Variants in PI4KB observed in about 807,000 individuals in gnomAD.
PI4KB encodes phosphatidylinositol 4-kinase beta.
A neutral mutation model predicts 81.4 loss-of-function variants in PI4KB; 23 were observed. That is an observed-to-expected ratio of 0.28 (90% CI 0.20 to 0.40). The LOEUF is 0.40. Among genes scored for constraint, PI4KB ranks in the 10% least tolerant of loss-of-function variants. The pLI is 1.00. For missense variants in PI4KB, 651 were observed against 1,036.6 expected (o/e 0.63, Z 5.11); for synonymous variants, 381 against 406.8 (o/e 0.94, Z 0.76).
At chr1:151,306,099 C>T in intron 5 of PI4KB, 37 bp downstream of exon 5, 1 of 1,528,090 alleles carries the variant, frequency 6.5e-7, no homozygotes, top group Non-Finnish European at 9.1e-7. Context: ...GGAGAAAGCT[C>T]CTGTGACCCA....
intron 11 of PI4KB, chr1:151,293,326 G>A: frequency 3.6e-6 from 5 of 1,371,474 alleles, no homozygotes; most frequent in Admixed American, 2.4e-5. Context: ...CTGGGAGGAG[G>A]CTGGAGGGAG....
intron 9 of PI4KB, among the ~76,000 whole-genome samples, chr1:151,296,785 T>TC (rs1444522209): frequency 6.8e-6 from 1 of 146,512 alleles, no homozygotes; most frequent in East Asian, 2.0e-4. Context: ...CTAATTTTTA[T>TC]TTTTTTTTTT....
chr1:151,292,688 A>G lies in PI4KB; in HGVS notation c.*164T>C, dbSNP rs1225399473. On this transcript the variant is annotated 3_prime_UTR_variant, in exon 12 of 12. Coordinates refer to ENST00000368873, the MANE Select transcript of PI4KB (RefSeq NM_001369623.2). ...CCCACAGCTGGCTCTCCCACCCCTC[A>G]GCAAGCTCTCGCAGTTACCACATGA... 1.0e-5 allele frequency: 7 copies of G among 669,424 alleles called. No individual in the cohort carries two copies. Among genetic ancestry groups the G allele is most frequent in the East Asian group, 2.8e-5 (1 of 36,140 alleles). 41.5% of individuals were successfully genotyped at this position (669,424 alleles called of 1,614,324 possible). A position where few individuals can be genotyped will look rare whatever the true frequency, so the allele number is the denominator to read the frequency against.
At chr1:151,305,213 A>C (rs1438035661) in intron 5 of PI4KB, among the ~76,000 whole-genome samples, 1 of 151,988 alleles carries the variant, frequency 6.6e-6, no homozygotes, top group East Asian at 1.9e-4. Flanking sequence ...CGATCCACCC[A>C]CCTCGGCCTC....
In PI4KB at chr1:151,299,011, C is replaced by A. The variant is rs745835813; in HGVS notation, c.1812G>T (p.Ser604=). The A allele has an allele frequency of 4.3e-6, 7 of 1,614,078 alleles. No homozygotes were observed. Among genetic ancestry groups the A allele is most frequent in the Non-Finnish European group, 5.9e-6 (7 of 1,179,956 alleles). ...CTGGTTCAATCATGCCACTATCAGCCGAAATCACAAGAATCTTGTATGGCT... is the reference window on the plus strand; with the variant it reads ...CTGGTTCAATCATGCCACTATCAGCAGAAATCACAAGAATCTTGTATGGCT... The part of the protein sequence containing the change: ...WIKPYKILVI[S]ADSGMIEPVV... Residue 604 remains serine (S), a synonymous_variant, in exon 9 of 12, where the codon TCG becomes TCT. Coordinates refer to ENST00000368873, the MANE Select transcript of PI4KB (RefSeq NM_001369623.2).
intron 8 of PI4KB, 23 bp downstream of exon 8, chr1:151,301,821 G>T: frequency 6.2e-7 from 1 of 1,611,672 alleles, no homozygotes; most frequent in East Asian, 2.2e-5. Context: ...CACTGTGCCT[G>T]GCCTCTCCTT....
intron 1 of PI4KB, 140 bp downstream of exon 1, chr1:151,327,131 A>G: frequency 2.5e-6 from 1 of 393,862 alleles, no homozygotes; most frequent in Non-Finnish European, 4.5e-6. Flanking sequence ...GTGGAGAAGG[A>G]ACCCGGGGTG....
chr1:151,297,399 T>TTGC (rs1694903193), intron 9 of PI4KB, among the ~76,000 whole-genome samples: 1 of 94,116 alleles, frequency 1.1e-5, no homozygotes, highest in Non-Finnish European at 2.3e-5. Flanking sequence ...TAAAGTACTG[T>TTGC]GGCATGATCT....
At chr1:151,311,249 C>T (rs1335861157) in intron 2 of PI4KB, among the ~76,000 whole-genome samples, 1 of 151,656 alleles carries the variant, frequency 6.6e-6, no homozygotes, top group Non-Finnish European at 1.5e-5. Flanking sequence ...GTGCACAAAT[C>T]TAGGTTGTGG....
intron 8 of PI4KB, 105 bp downstream of exon 8, chr1:151,301,739 G>T (rs1408017992): frequency 3.6e-5 from 37 of 1,033,182 alleles, no homozygotes; most frequent in Non-Finnish European, 5.2e-5. Context: ...TCACCATCTT[G>T]GCCAGGCTGA....
chr1:151,301,135 T>G (rs891614416), intron 8 of PI4KB, among the ~76,000 whole-genome samples: 4 of 152,222 alleles, frequency 2.6e-5, no homozygotes, highest in African/African-American at 9.6e-5. Context: ...GCTTTTGTTT[T>G]AGACCTTGGC....
At chr1:151,316,973 C>T (rs1409916610) in intron 1 of PI4KB, among the ~76,000 whole-genome samples, 1 of 151,970 alleles carries the variant, frequency 6.6e-6, no homozygotes, top group Non-Finnish European at 1.5e-5. Flanking sequence ...TAGGCGCCCA[C>T]CACAACGTCC....
In PI4KB at chr1:151,315,802, G is replaced by A. The variant is rs1310631280; in HGVS notation, c.680C>T (p.Thr227Ile). 2 of 1,613,070 alleles carry A rather than the reference G, an allele frequency of 1.2e-6. No homozygotes were observed. Among genetic ancestry groups the A allele is most frequent in the Admixed American group, 1.7e-5 (1 of 59,930 alleles). The change falls in exon 2 of 12, where the codon ACT becomes ATT. Residue 227 changes from threonine (T) to isoleucine (I), a missense_variant. Physicochemically the swap from Thr to Ile is moderately conservative, Grantham distance 89. Coordinates refer to ENST00000368873, the MANE Select transcript of PI4KB (RefSeq NM_001369623.2). ...GAYSSDMHIS[T>I]QRHSRGTKLR... is the part of the protein sequence containing the mutation. Reference sequence around the variant, plus strand: ...CTTGGTCCCACGGGAGTGTCGTTGAGTGGAAATGTGCATGTCTGAAGAATA... The same window carrying A: ...CTTGGTCCCACGGGAGTGTCGTTGAATGGAAATGTGCATGTCTGAAGAATA...
At position 151,298,979 on chromosome 1, in the gene PI4KB, T is replaced by C; in HGVS notation, c.1844A>G (p.Asn615Ser). The change falls in exon 9 of 12, where the codon AAT becomes AGT. Residue 615 changes from asparagine to serine, a missense_variant. Asn to Ser is a conservative substitution (Grantham distance 46). Coordinates refer to ENST00000368873, the MANE Select transcript of PI4KB (RefSeq NM_001369623.2). ...ADSGMIEPVV[N>S]AVSIHQVKKQ... ...CTTCACCTGATGGATGGACACAGCA[T>C]TGACCACTGGTTCAATCATGCCACT... 6.2e-7 allele frequency: 1 copy of C among 1,614,144 alleles called. No homozygotes were observed. Among genetic ancestry groups the C allele is most frequent in the Non-Finnish European group, 8.5e-7 (1 of 1,179,972 alleles).
chr1:151,297,289 AG>A (rs1694885201), intron 9 of PI4KB, among the ~76,000 whole-genome samples: 1 of 150,710 alleles, frequency 6.6e-6, no homozygotes, highest in Non-Finnish European at 1.5e-5. Context: ...TATGTTGCCT[AG>A]GCTAGTCTCG....
intron 9 of PI4KB, 166 bp downstream of exon 9, chr1:151,298,642 C>T: frequency 2.6e-6 from 2 of 759,002 alleles, no homozygotes; most frequent in Non-Finnish European, 4.4e-6. Context: ...TATTAGTCTG[C>T]CTCCTGACTT....
chr1:151,323,124 T>C (rs1327727654), intron 1 of PI4KB, among the ~76,000 whole-genome samples: 3 of 152,306 alleles, frequency 2.0e-5, no homozygotes, highest in East Asian at 1.9e-4. Flanking sequence ...AGGTGTCCAG[T>C]AGAAGAAATA....
chr1:151,313,269 T>G (rs930814996), intron 2 of PI4KB, among the ~76,000 whole-genome samples: 1 of 152,224 alleles, frequency 6.6e-6, no homozygotes, highest in African/African-American at 2.4e-5. Flanking sequence ...TAGTATCTCC[T>G]TCCTCTCCTG....
chr1:151,306,026 A>AG (rs1407604202), intron 5 of PI4KB, 110 bp downstream of exon 5: 2 of 777,264 alleles, frequency 2.6e-6, no homozygotes. Context: ...ACCACTCATT[A>AG]GGATACTTGC....
Sources: gnomAD v4.1 joint callset for allele counts (sites outside exome capture counted in the v4.1 genomes callset) on GRCh38, gnomAD v4.1.1 for gene constraint, MANE v1.5 for transcripts, NCBI Gene and HGNC (gene_info 2026-07-23, HGNC 2026-07-21) for gene names.